NBEA: variants seen among roughly 807,000 people sequenced by gnomAD.
NBEA encodes neurobeachin.
In NBEA, 44 loss-of-function variants were observed where a neutral mutation model predicts 343.4. That is an observed-to-expected ratio of 0.13 (90% CI 0.10 to 0.16). The LOEUF is 0.16. NBEA is among the 10% of genes least tolerant of loss of function. The probability of loss-of-function intolerance (pLI) is 1.00; values close to 1 mark genes in which losing one functional copy is unlikely to be tolerated. For missense variants in NBEA, 2,555 were observed against 3,631.3 expected, an observed-to-expected ratio of 0.70 and a Z score of 7.62; for synonymous variants, 1,175 against 1,238.7, an observed-to-expected ratio of 0.95 and a Z score of 1.08.
chr13:35,663,159 A>C (rs1345203889), intron 55 of NBEA, among the ~76,000 whole-genome samples: 1 of 152,224 alleles, frequency 6.6e-6, no homozygotes, highest in East Asian at 1.9e-4. Context: ...TGAAATGTAC[A>C]ATAAATTATT....
At chr13:35,467,316 A>G (rs1305722794) in intron 40 of NBEA, among the ~76,000 whole-genome samples, 1 of 152,086 alleles carries the variant, frequency 6.6e-6, no homozygotes, top group Non-Finnish European at 1.5e-5. Context: ...TACTAAAAAT[A>G]CAAAAATTAG....
At chr13:35,450,512 C>T (rs1262454606) in intron 39 of NBEA, among the ~76,000 whole-genome samples, 2 of 151,920 alleles carry the variant, frequency 1.3e-5, no homozygotes, top group Admixed American at 1.3e-4. Context: ...AATGGTTGAG[C>T]AAACATCAAT....
At chr13:35,210,789 T>G (rs2073720359) in intron 32 of NBEA, among the ~76,000 whole-genome samples, 1 of 152,142 alleles carries the variant, frequency 6.6e-6, no homozygotes, top group Non-Finnish European at 1.5e-5. Flanking sequence ...AATTTTTTCA[T>G]TTCTTGATGT....
At chr13:35,216,604 A>G (rs565853252) in intron 33 of NBEA, among the ~76,000 whole-genome samples, 4 of 152,000 alleles carry the variant, frequency 2.6e-5, no homozygotes, top group African/African-American at 9.6e-5. Flanking sequence ...TTTATATTCA[A>G]TTCAATATTT....
chr13:35,379,867 C>T (rs1224589450), intron 38 of NBEA, among the ~76,000 whole-genome samples: 1 of 152,122 alleles, frequency 6.6e-6, no homozygotes, highest in Non-Finnish European at 1.5e-5. Flanking sequence ...GTCTTAATTA[C>T]CATATCTCTA....
intron 35 of NBEA, among the ~76,000 whole-genome samples, chr13:35,290,868 T>A (rs2152818307): frequency 6.6e-6 from 1 of 151,840 alleles, no homozygotes; most frequent in South Asian, 2.1e-4. Context: ...TGATACAGCT[T>A]ATTAATGAAT....
intron 41 of NBEA, among the ~76,000 whole-genome samples, chr13:35,527,772 G>A (rs73499823): frequency 0.02 from 3,032 of 152,300 alleles, 99 homozygotes; most frequent in African/African-American, 0.067. Flanking sequence ...CAGAGCCACA[G>A]CTGGGCGGCT....
intron 36 of NBEA, among the ~76,000 whole-genome samples, chr13:35,321,958 G>A (rs898746086): frequency 6.6e-6 from 1 of 152,174 alleles, no homozygotes; most frequent in East Asian, 1.9e-4. Flanking sequence ...CACCAAGCTA[G>A]AGGGTCCCAG....
intron 41 of NBEA, among the ~76,000 whole-genome samples, chr13:35,528,735 A>G (rs779651220): frequency 5.3e-5 from 8 of 152,200 alleles, no homozygotes; most frequent in Non-Finnish European, 1.0e-4. Context: ...ATTTTATATA[A>G]GAAAACATGA....
At chr13:35,580,163 A>G (rs1356528861) in intron 45 of NBEA, among the ~76,000 whole-genome samples, 1 of 151,998 alleles carries the variant, frequency 6.6e-6, no homozygotes, top group Non-Finnish European at 1.5e-5. Flanking sequence ...ATTTTTTCCT[A>G]TTTGTTAAAG....
At chr13:35,418,546 A>C (rs1318025773) in intron 38 of NBEA, among the ~76,000 whole-genome samples, 2 of 152,026 alleles carry the variant, frequency 1.3e-5, no homozygotes, top group Non-Finnish European at 2.9e-5. Context: ...AATATTGCCT[A>C]ACACAAAATA....
At chr13:35,018,532 G>A (rs1276702570) in intron 1 of NBEA, among the ~76,000 whole-genome samples, 1 of 151,644 alleles carries the variant, frequency 6.6e-6, no homozygotes, top group Non-Finnish European at 1.5e-5. Flanking sequence ...TTAATTTATT[G>A]TTTCAATTGT....
chr13:35,103,993 G>A (rs1406114612), intron 11 of NBEA, among the ~76,000 whole-genome samples: 1 of 151,746 alleles, frequency 6.6e-6, no homozygotes, highest in Non-Finnish European at 1.5e-5. Context: ...TCTTATTCAA[G>A]TCTTCATCCT....
At chr13:35,519,779 A>G (rs2077626768) in intron 41 of NBEA, among the ~76,000 whole-genome samples, 1 of 152,212 alleles carries the variant, frequency 6.6e-6, no homozygotes. Flanking sequence ...TGTATTGGGA[A>G]CATTTTGAAT....
chr13:34,972,467 G>A (rs1159126693), intron 1 of NBEA, among the ~76,000 whole-genome samples: 2 of 152,110 alleles, frequency 1.3e-5, no homozygotes, highest in African/African-American at 4.8e-5. Context: ...GGCATTTAGT[G>A]TTATAAATTT....
chr13:35,283,988 A>ACG, intron 34 of NBEA, among the ~76,000 whole-genome samples: 1 of 7,902 alleles, frequency 1.3e-4, no homozygotes, highest in Non-Finnish European at 5.5e-4. Flanking sequence ...GTGTACACAG[A>ACG]CACACACACA....
intron 55 of NBEA, 43 bp from the exon 56 acceptor site, chr13:35,665,041 CT>C: frequency 7.7e-7 from 1 of 1,299,038 alleles, no homozygotes; most frequent in South Asian, 1.3e-5. Context: ...CTCTCTCCCC[CT>C]GCTATTGGTC....
At chr13:35,417,773 C>G (rs1222469615) in intron 38 of NBEA, among the ~76,000 whole-genome samples, 2 of 152,022 alleles carry the variant, frequency 1.3e-5, no homozygotes, top group Non-Finnish European at 2.9e-5. Context: ...GAGCTGAGTT[C>G]AATTCCTGGA....
chr13:35,360,512 G>A (rs965076996), intron 38 of NBEA, among the ~76,000 whole-genome samples: 2 of 151,972 alleles, frequency 1.3e-5, no homozygotes, highest in African/African-American at 4.8e-5. Context: ...CGTTTCTCAA[G>A]GACAGACAGT....
Sources: gnomAD v4.1 joint callset for allele counts (sites outside exome capture counted in the v4.1 genomes callset) on GRCh38, gnomAD v4.1.1 for gene constraint, MANE v1.5 for transcripts, NCBI Gene and HGNC (gene_info 2026-07-23, HGNC 2026-07-21) for gene names.